The following PCNX1 variants were observed in gnomAD, a reference collection of about 807,000 sequenced individuals.
The protein encoded by PCNX1 is pecanex-like protein 1.
In PCNX1, 78 loss-of-function variants were observed where a neutral mutation model predicts 242.2. The observed-to-expected ratio is 0.32, with a 90% confidence interval of 0.27 to 0.39. The LOEUF (loss-of-function observed/expected upper bound fraction) is 0.39, where lower values mean the gene tolerates loss of function less well. Ranked by LOEUF, PCNX1 falls within the 10% of genes least tolerant of loss-of-function variation. The pLI is 1.00. For missense variants in PCNX1, 2,581 were observed against 2,856.5 expected, an observed-to-expected ratio of 0.90 and a Z score of 2.20; for synonymous variants, 1,024 against 1,032.9, an observed-to-expected ratio of 0.99 and a Z score of 0.17.
intron 26 of PCNX1, among the ~76,000 whole-genome samples, chr14:71,064,154 GGGAACA>G (rs2061391257): frequency 6.6e-6 from 1 of 151,970 alleles, no homozygotes; most frequent in Non-Finnish European, 1.5e-5. Flanking sequence ...AGGTAATCCA[GGGAACA>G]GTTGGTAATA....
chr14:70,927,288 A>G (rs1167840535), intron 1 of PCNX1, among the ~76,000 whole-genome samples: 1 of 152,196 alleles, frequency 6.6e-6, no homozygotes, highest in Non-Finnish European at 1.5e-5. Flanking sequence ...AGTTGCCTTT[A>G]TGGTGGTAGT....
intron 9 of PCNX1, 114 bp downstream of exon 9, chr14:71,009,838 GTTAA>G (rs1334678321): frequency 4.0e-5 from 19 of 475,536 alleles, no homozygotes; most frequent in Non-Finnish European, 6.2e-5. Flanking sequence ...ATTTAATGTT[GTTAA>G]TTGACAAATA....
At position 71,113,360 on chromosome 14, in the gene PCNX1, CTG is replaced by C. The variant is rs1356719490; in HGVS notation, c.*3427_*3428del. On this transcript the variant is annotated 3_prime_UTR_variant, in exon 36 of 36. Transcript: ENST00000304743. ...CCTAAGTGAGATATGGAAAATTACT[CTG>C]TATACTAAATGTCAGGCAATGAAAA... The C allele has an allele frequency of 1.3e-5, 2 of 152,600 alleles. No homozygotes were observed. Among genetic ancestry groups the C allele is most frequent in the South Asian group, 2.1e-4 (1 of 4,836 alleles). 9.5% of individuals were successfully genotyped at this position (152,600 alleles called of 1,614,324 possible).
At chr14:71,063,299 A>G (rs1294122342) in intron 26 of PCNX1, among the ~76,000 whole-genome samples, 2 of 152,302 alleles carry the variant, frequency 1.3e-5, no homozygotes, top group African/African-American at 4.8e-5. Context: ...TAAAAATATC[A>G]AAACCATTCT....
At chr14:70,951,739 G>T in intron 2 of PCNX1, among the ~76,000 whole-genome samples, 1 of 151,924 alleles carries the variant, frequency 6.6e-6, no homozygotes, top group East Asian at 1.9e-4. Context: ...CTTCATGTGT[G>T]CTTATCCTCC....
chr14:71,062,205 G>A (rs753594920), intron 26 of PCNX1, among the ~76,000 whole-genome samples: 2 of 152,094 alleles, frequency 1.3e-5, no homozygotes, highest in East Asian at 1.9e-4. Flanking sequence ...CCTTCAGGGG[G>A]TATCCAGAGG....
chr14:71,107,171 A>G (rs997580784), intron 33 of PCNX1, among the ~76,000 whole-genome samples: 3 of 152,140 alleles, frequency 2.0e-5, no homozygotes, highest in South Asian at 4.2e-4. Flanking sequence ...CCTCTCCCCA[A>G]CTGCCCCCCT....
At chr14:70,967,859 A>G (rs1027542962) in intron 3 of PCNX1, among the ~76,000 whole-genome samples, 2 of 152,198 alleles carry the variant, frequency 1.3e-5, no homozygotes, top group African/African-American at 4.8e-5. Context: ...GCTTTTGTTT[A>G]TAACATGAAC....
At chr14:71,089,838 G>C (rs1473578702) in intron 30 of PCNX1, among the ~76,000 whole-genome samples, 1 of 152,066 alleles carries the variant, frequency 6.6e-6, no homozygotes, top group Non-Finnish European at 1.5e-5. Flanking sequence ...CTGAATAAAA[G>C]AAAAATGTGA....
At chr14:71,056,163 G>T (rs1295458300) in intron 25 of PCNX1, among the ~76,000 whole-genome samples, 2 of 152,146 alleles carry the variant, frequency 1.3e-5, no homozygotes, top group Non-Finnish European at 2.9e-5. Flanking sequence ...CAGAACCTCA[G>T]TGTATTAATT....
intron 3 of PCNX1, among the ~76,000 whole-genome samples, chr14:70,965,727 C>G (rs1224059651): frequency 6.7e-6 from 1 of 149,966 alleles, no homozygotes; most frequent in Non-Finnish European, 1.5e-5. Flanking sequence ...AGAAGAAGAG[C>G]TAATGATTTC....
intron 2 of PCNX1, among the ~76,000 whole-genome samples, chr14:70,956,966 G>C (rs1335101692): frequency 6.9e-6 from 1 of 143,954 alleles, no homozygotes; most frequent in Non-Finnish European, 1.5e-5. Context: ...GATATAATAA[G>C]TACTGAGTAA....
At chr14:71,103,718 T>C (rs2062525850) in intron 32 of PCNX1, 49 bp downstream of exon 32, 2 of 1,573,870 alleles carry the variant, frequency 1.3e-6, no homozygotes, top group Non-Finnish European at 1.7e-6. Flanking sequence ...CCTGACCCTC[T>C]TAATCTAGGC....
chr14:71,028,565 G>A (rs1296276994), intron 15 of PCNX1, 135 bp from the exon 16 acceptor site: 2 of 562,944 alleles, frequency 3.6e-6, no homozygotes, highest in Non-Finnish European at 6.1e-6. Context: ...TGAAGTAACT[G>A]AATTTCTGAA....
At chr14:70,942,047 G>C (rs1249652082) in intron 1 of PCNX1, among the ~76,000 whole-genome samples, 2 of 152,158 alleles carry the variant, frequency 1.3e-5, no homozygotes, top group African/African-American at 4.8e-5. Flanking sequence ...CCCTTGGCTA[G>C]GAAAGGGAAT....
intron 19 of PCNX1, among the ~76,000 whole-genome samples, chr14:71,037,150 CT>C (rs2060562180): frequency 1.3e-5 from 2 of 151,404 alleles, no homozygotes; most frequent in African/African-American, 4.9e-5. Flanking sequence ...TATCCTGAGA[CT>C]TTGCTGAAGT....
At chr14:71,094,182 G>C (rs913805285) in intron 30 of PCNX1, among the ~76,000 whole-genome samples, 1 of 152,152 alleles carries the variant, frequency 6.6e-6, no homozygotes, top group Non-Finnish European at 1.5e-5. Flanking sequence ...TCAAATGTCC[G>C]TTAGCAGACA....
At chr14:71,100,163 G>A (rs1264509120) in intron 30 of PCNX1, among the ~76,000 whole-genome samples, 1 of 152,094 alleles carries the variant, frequency 6.6e-6, no homozygotes, top group African/African-American at 2.4e-5. Context: ...TTGCTTCGTA[G>A]TTCTACTGTA....
At chr14:70,924,627 A>C (rs2056515654) in intron 1 of PCNX1, among the ~76,000 whole-genome samples, 1 of 151,824 alleles carries the variant, frequency 6.6e-6, no homozygotes, top group Non-Finnish European at 1.5e-5. Flanking sequence ...TAATTCTCTC[A>C]CCCAGGCTGG....
Sources: gnomAD v4.1 joint callset for allele counts (sites outside exome capture counted in the v4.1 genomes callset) on GRCh38, gnomAD v4.1.1 for gene constraint, MANE v1.5 for transcripts, NCBI Gene and HGNC (gene_info 2026-07-23, HGNC 2026-07-21) for gene names.